The following NBEAL1 variants were observed in gnomAD, a reference collection of about 807,000 sequenced individuals.
The protein encoded by NBEAL1 is neurobeachin like 1.
NBEAL1 carries 273 observed loss-of-function variants against 351.3 expected under a neutral mutation model. The observed-to-expected ratio is 0.78, with a 90% CI of 0.70 to 0.86. The LOEUF (loss-of-function observed/expected upper bound fraction) is 0.86, where lower values mean the gene tolerates loss of function less well. Among genes scored for constraint, NBEAL1 ranks in the 40% least tolerant of loss-of-function variants. The probability of loss-of-function intolerance (pLI) is 0.00; values close to 1 mark genes in which losing one functional copy is unlikely to be tolerated. For missense variants in NBEAL1, 2,961 were observed against 3,201.3 expected, an observed-to-expected ratio of 0.92 and a Z score of 1.81; for synonymous variants, 1,050 against 1,086.4, an observed-to-expected ratio of 0.97 and a Z score of 0.66.
At chr2:203,184,157 A>ACAGTGGCT (rs1299140188) in intron 44 of NBEAL1, among the ~76,000 whole-genome samples, 2 of 151,752 alleles carry the variant, frequency 1.3e-5, no homozygotes, top group African/African-American at 4.8e-5. Flanking sequence ...AAAGGTGGGC[A>ACAGTGGCT]CAGTGGCTCA....
At chr2:203,100,898 CG>C (rs1031057684) in intron 12 of NBEAL1, among the ~76,000 whole-genome samples, 1 of 152,054 alleles carries the variant, frequency 6.6e-6, no homozygotes. Flanking sequence ...ACTTTTTAGT[CG>C]GGTTATTTGC....
intron 6 of NBEAL1, among the ~76,000 whole-genome samples, chr2:203,065,012 C>G (rs2106116148): frequency 6.6e-6 from 1 of 152,248 alleles, no homozygotes; most frequent in South Asian, 2.1e-4. Context: ...AATCCTAACA[C>G]TTTGGGAGGC....
chr2:203,154,021 G>A (rs1010038555), intron 35 of NBEAL1, among the ~76,000 whole-genome samples: 7 of 151,798 alleles, frequency 4.6e-5, no homozygotes, highest in African/African-American at 7.3e-5. Context: ...GGAGGTGGGC[G>A]GATCACGAGG....
chr2:203,117,513 A>G (rs1574994428), intron 18 of NBEAL1, among the ~76,000 whole-genome samples: 2 of 152,214 alleles, frequency 1.3e-5, no homozygotes, highest in East Asian at 1.9e-4. Flanking sequence ...TTCTGAGTCC[A>G]TGTAACATTG....
chr2:203,206,280 A>G (rs1362824203), intron 51 of NBEAL1, among the ~76,000 whole-genome samples: 1 of 152,224 alleles, frequency 6.6e-6, no homozygotes, highest in Admixed American at 6.5e-5. Context: ...GTGTACCACA[A>G]ATGTTTTTTC....
rs554763594 is a variant in NBEAL1, at chr2:203,168,706, C to T, written c.5998-1041C>T. Among the ~76,000 whole-genome samples the T allele has an allele frequency of 1.2e-4, 19 of 152,114 alleles. No homozygotes were observed. In the South Asian group the frequency reaches 3.9e-3, roughly 32 times the overall value. ...GTCAAGAGTTTGAGACCAGCCTGCC[C>T]AACATGGTGAAACCCCATCTCTACT... On this transcript the variant is annotated intron_variant, in intron 38 of 55. Coordinates refer to ENST00000683969, the MANE Select transcript of NBEAL1 (RefSeq NM_001378026.1).
At chr2:203,197,688 A>G (rs749321607) in intron 48 of NBEAL1, among the ~76,000 whole-genome samples, 4 of 152,154 alleles carry the variant, frequency 2.6e-5, no homozygotes, top group Non-Finnish European at 5.9e-5. Flanking sequence ...CAGGTGGATC[A>G]CTTGAGGTCA....
intron 31 of NBEAL1, among the ~76,000 whole-genome samples, chr2:203,139,557 C>CCTTTTT (rs2063311788): frequency 1.5e-5 from 1 of 67,666 alleles, no homozygotes; most frequent in Non-Finnish European, 2.7e-5. Context: ...CCACCCCCAC[C>CCTTTTT]TTTTTTTTTT....
chr2:203,173,364 A>T (rs1361082048), intron 41 of NBEAL1, among the ~76,000 whole-genome samples: 1 of 152,108 alleles, frequency 6.6e-6, no homozygotes, highest in Non-Finnish European at 1.5e-5. Context: ...AACTTCTCAC[A>T]ATTAATTTTT....
intron 35 of NBEAL1, among the ~76,000 whole-genome samples, chr2:203,154,896 C>T (rs1310339521): frequency 1.4e-5 from 2 of 141,106 alleles, no homozygotes; most frequent in East Asian, 4.2e-4. Context: ...GATCGTGTCA[C>T]TGCACTCCAG....
chr2:203,054,609 G>A (rs1244573488), intron 4 of NBEAL1, among the ~76,000 whole-genome samples: 1 of 151,836 alleles, frequency 6.6e-6, no homozygotes, highest in East Asian at 1.9e-4. Context: ...CTCAAATTGT[G>A]GGTCTGTTTC....
intron 4 of NBEAL1, among the ~76,000 whole-genome samples, chr2:203,051,718 A>C (rs1431074251): frequency 2.6e-5 from 4 of 152,174 alleles, no homozygotes; most frequent in Non-Finnish European, 5.9e-5. Context: ...TAATAGAGGG[A>C]AGCACTGAAA....
At chr2:203,045,828 C>T (rs2061216847) in intron 3 of NBEAL1, among the ~76,000 whole-genome samples, 2 of 152,288 alleles carry the variant, frequency 1.3e-5, no homozygotes, top group Admixed American at 6.5e-5. Flanking sequence ...CTTTAGGGAG[C>T]TCCATTCAGA....
intron 51 of NBEAL1, among the ~76,000 whole-genome samples, chr2:203,207,190 C>T (rs900112224): frequency 4.0e-5 from 6 of 151,294 alleles, no homozygotes; most frequent in African/African-American, 1.5e-4. Flanking sequence ...CGGCAGCCGC[C>T]CCGTCTGAGA....
At position 203,184,169 on chromosome 2, in the gene NBEAL1, G is replaced by A. The variant is rs545041469; in HGVS notation, c.6705+781G>A. On this transcript the variant is annotated intron_variant, in intron 44 of 55. Transcript: ENST00000683969. ...AAAAAAGGTGGGCACAGTGGCTCAC[G>A]CCTCTAATCCCAGCACTGTGGGAGG... Among the ~76,000 whole-genome samples, 10 of 148,590 alleles carry A rather than the reference G, an allele frequency of 6.7e-5. No homozygotes were observed. The South Asian group carries it at 1.3e-3, about 20-fold the overall frequency.
At chr2:203,197,154 T>A (rs1024070217) in intron 47 of NBEAL1, 148 bp from the exon 48 acceptor site, 3 of 504,888 alleles carry the variant, frequency 5.9e-6, no homozygotes, top group African/African-American at 1.9e-5. Flanking sequence ...ATAATTCCTT[T>A]CCTTCATTTT....
At position 203,136,736 on chromosome 2, in the gene NBEAL1, C is replaced by T; in HGVS notation, c.4527C>T (p.Ser1509=). ...VFSALSKPGI[S]SELLRPSDEI... The stretch of plus-strand genomic sequence containing the variant: ...CAGCACTAAGTAAACCAGGAATATC[C>T]AGTGAACTACTTCGACCATCAGATG... The change falls in exon 29 of 56, where the codon TCC becomes TCT. Residue 1509 remains serine, a synonymous_variant. Coordinates refer to ENST00000683969, the MANE Select transcript of NBEAL1 (RefSeq NM_001378026.1). 1 of 1,613,334 alleles carries T rather than the reference C, an allele frequency of 6.2e-7. No homozygotes were observed.
intron 11 of NBEAL1, among the ~76,000 whole-genome samples, chr2:203,098,849 A>C (rs1256508031): frequency 6.6e-6 from 1 of 152,230 alleles, no homozygotes; most frequent in Non-Finnish European, 1.5e-5. Flanking sequence ...TGGCATATGC[A>C]CATGCCATCT....
intron 24 of NBEAL1, among the ~76,000 whole-genome samples, chr2:203,128,541 G>A (rs1254602325): frequency 1.3e-5 from 2 of 151,676 alleles, no homozygotes; most frequent in Admixed American, 1.3e-4. Flanking sequence ...TTCATAGTCT[G>A]CGTGGTGTAT....
Sources: allele counts gnomAD v4.1 joint callset (sites outside exome capture counted in the v4.1 genomes callset), GRCh38; gene constraint gnomAD v4.1.1; transcripts MANE v1.5; gene names NCBI Gene and HGNC (gene_info 2026-07-23, HGNC 2026-07-21).